OTOG: variants seen among roughly 807,000 people sequenced by gnomAD.
The protein encoded by OTOG is otogelin.
Under a neutral mutation model 313.8 loss-of-function variants are expected in OTOG, and 296 were observed. That is an observed-to-expected ratio of 0.94 (90% CI 0.86 to 1.04). The LOEUF (loss-of-function observed/expected upper bound fraction) is 1.04. Ranked by LOEUF, OTOG falls within the 50% of genes least tolerant of loss-of-function variation. The pLI, the probability that OTOG is intolerant of heterozygous loss-of-function variation, is 0.00. For synonymous variants in OTOG, 1,533 were observed against 1,554.9 expected (o/e 0.99, Z 0.33); for missense variants, 3,948 against 3,840.1 (o/e 1.03, Z -0.74).
intron 48 of OTOG, chr11:17,638,776 C>T (rs1170212542): frequency 1.3e-6 from 2 of 1,526,030 alleles, no homozygotes; most frequent in Non-Finnish European, 1.8e-6. Context: ...GCAAGTTTCC[C>T]ATTCCAAAGA....
At chr11:17,635,843 A>C in intron 47 of OTOG, 132 bp downstream of exon 47, 1 of 718,092 alleles carries the variant, frequency 1.4e-6, no homozygotes, top group South Asian at 1.7e-5. Flanking sequence ...GGGGCCGAGC[A>C]GCTGAATCCA....
In OTOG at chr11:17,613,594, G is replaced by T. The variant is rs566297336; in HGVS notation, c.6439-18G>T. 6.5e-7 allele frequency: 1 copy of T among 1,548,874 alleles called. No individual in the cohort carries two copies. Among genetic ancestry groups the T allele is most frequent in the Admixed American group, 2.0e-5 (1 of 50,994 alleles). On this transcript the variant is annotated intron_variant, in intron 38 of 55. Transcript: ENST00000399397. ...AGGACAGGGCTCCAAGTTGATGAGG[G>T]CTGGGTTCTCTCTGCAGGGGCACCT...
intron 15 of OTOG, among the ~76,000 whole-genome samples, chr11:17,566,882 TATC>T (rs1852303209): frequency 1.3e-5 from 2 of 152,238 alleles, no homozygotes; most frequent in Non-Finnish European, 2.9e-5. Context: ...ATTCTTTTGT[TATC>T]ATCTACATTT....
At chr11:17,547,693 C>A (rs183815294) in intron 1 of OTOG, 2 of 777,064 alleles carry the variant, frequency 2.6e-6, no homozygotes, top group East Asian at 6.7e-5. Flanking sequence ...GTGGAAGAGA[C>A]CCGAGGTGGG....
chr11:17,619,942 A>G (rs761001111), intron 39 of OTOG, among the ~76,000 whole-genome samples: 3 of 152,192 alleles, frequency 2.0e-5, no homozygotes, highest in African/African-American at 7.2e-5. Context: ...TACTGGTGAT[A>G]AATTCTTTCA....
At position 17,631,765 on chromosome 11, in the gene OTOG, C is replaced by T; in HGVS notation, c.6776C>T (p.Ala2259Val). 3 of 1,550,568 alleles carry T rather than the reference C, an allele frequency of 1.9e-6. No individual in the cohort carries two copies. The South Asian group carries it at 3.6e-5, about 18-fold the overall frequency. Residue 2259 changes from alanine (A) to valine (V), a missense_variant, in exon 41 of 56, where the codon GCT (alanine) becomes GTT (valine). Physicochemically the swap from Ala to Val is moderately conservative, Grantham distance 64. Transcript: ENST00000399397. ...AAGGATGGCTCAGTGGTGGGTGGGG[C>T]TGAGGACCCTGCTCCCTTTCTGGAC... ...TLKDGSVVGG[A>V]EDPAPFLDSW...
chr11:17,634,414 G>A, intron 44 of OTOG, 133 bp downstream of exon 44: 1 of 1,025,186 alleles, frequency 9.8e-7, no homozygotes, highest in Non-Finnish European at 1.4e-6. Flanking sequence ...GAGCTTGGAG[G>A]AGGGGAGAAC....
intron 15 of OTOG, among the ~76,000 whole-genome samples, chr11:17,566,711 C>A (rs974877955): frequency 6.6e-6 from 1 of 152,314 alleles, no homozygotes; most frequent in African/African-American, 2.4e-5. Flanking sequence ...TAACGCATAC[C>A]TCTATAGGAA....
rs2134082170 is a variant in OTOG, at chr11:17,606,058, T to C, written c.4079T>C (p.Val1360Ala). The change falls in exon 33 of 56, where the codon GTG (valine) becomes GCG (alanine). Residue 1360 changes from valine to alanine, a missense_variant. Transcript: ENST00000399397. ...SLAKPSSFLY[V>A]SGAVLALRLY... Reference sequence around the variant, plus strand: ...GCCAAGCCCAGCTCCTTCCTCTATGTGTCGGGCGCGGTGCTGGCCCTGCGG... The same window carrying C: ...GCCAAGCCCAGCTCCTTCCTCTATGCGTCGGGCGCGGTGCTGGCCCTGCGG... The C allele has an allele frequency of 6.4e-7, 1 of 1,550,454 alleles. No homozygotes were observed. Among genetic ancestry groups the C allele is most frequent in the Non-Finnish European group, 8.7e-7 (1 of 1,146,960 alleles).
intron 33 of OTOG, among the ~76,000 whole-genome samples, chr11:17,607,737 A>T (rs779470070): frequency 7.9e-5 from 12 of 152,192 alleles, no homozygotes; most frequent in Admixed American, 2.0e-4. Flanking sequence ...CCTCCCTTGC[A>T]AGCTCTCTGG....
At chr11:17,570,870 C>A (rs1026209109) in intron 17 of OTOG, among the ~76,000 whole-genome samples, 1 of 152,186 alleles carries the variant, frequency 6.6e-6, no homozygotes, top group Non-Finnish European at 1.5e-5. Flanking sequence ...CACTTTCTAA[C>A]CCACCAGGCC....
At chr11:17,560,142 A>G (rs1416308465) in intron 12 of OTOG, among the ~76,000 whole-genome samples, 1 of 152,218 alleles carries the variant, frequency 6.6e-6, no homozygotes, top group Non-Finnish European at 1.5e-5. Context: ...GCATTGGTCC[A>G]TGTATGGGGA....
chr11:17,645,706 G>A lies in OTOG; in HGVS notation c.8542-38G>A, dbSNP rs1163152136. On this transcript the variant is annotated intron_variant, in intron 55 of 55. Transcript: ENST00000399397. ...TGGGATGGAGGGGGTTTGGGGGTGTGAGCACCACAGACTGCCTCACTGGCC... is the reference window on the plus strand; with the variant it reads ...TGGGATGGAGGGGGTTTGGGGGTGTAAGCACCACAGACTGCCTCACTGGCC... 8 of 1,550,752 alleles carry A rather than the reference G, an allele frequency of 5.2e-6. No homozygotes were observed. In the South Asian group the frequency reaches 8.3e-5, roughly 16 times the overall value.
intron 8 of OTOG, among the ~76,000 whole-genome samples, chr11:17,557,783 T>G (rs1165805225): frequency 6.6e-6 from 1 of 152,158 alleles, no homozygotes; most frequent in Non-Finnish European, 1.5e-5. Context: ...TACACCATAC[T>G]AAACACTTTA....
chr11:17,644,363 G>C (rs1172415842), intron 54 of OTOG, among the ~76,000 whole-genome samples: 1 of 152,270 alleles, frequency 6.6e-6, no homozygotes, highest in Non-Finnish European at 1.5e-5. Flanking sequence ...CCATCTAGCT[G>C]GTGCAGTAGG....
intron 52 of OTOG, 34 bp downstream of exon 52, chr11:17,641,985 T>C (rs1440242736): frequency 1.3e-6 from 2 of 1,543,448 alleles, no homozygotes; most frequent in Non-Finnish European, 8.7e-7. Flanking sequence ...CTTAGGAGGG[T>C]GTCCCAGAAG....
At chr11:17,640,050 T>A (rs1847938393) in intron 49 of OTOG, among the ~76,000 whole-genome samples, 1 of 150,646 alleles carries the variant, frequency 6.6e-6, no homozygotes, top group Admixed American at 6.6e-5. Flanking sequence ...AAGGTGAGGA[T>A]GATGGTGGTG....
intron 49 of OTOG, among the ~76,000 whole-genome samples, 153 bp from the exon 50 acceptor site, chr11:17,640,592 G>A (rs1330756987): frequency 6.6e-6 from 1 of 152,214 alleles, no homozygotes; most frequent in African/African-American, 2.4e-5. Context: ...CTGGGACTGA[G>A]CTTCCAGGCT....
intron 3 of OTOG, among the ~76,000 whole-genome samples, chr11:17,551,619 C>T (rs546202776): frequency 3.9e-5 from 6 of 152,074 alleles, no homozygotes; most frequent in African/African-American, 7.2e-5. Context: ...GCCTCATGCT[C>T]GTAATCCAGA....
Sources: allele counts gnomAD v4.1 joint callset (sites outside exome capture counted in the v4.1 genomes callset), GRCh38; gene constraint gnomAD v4.1.1; transcripts MANE v1.5; gene names NCBI Gene and HGNC (gene_info 2026-07-23, HGNC 2026-07-21).